Variants in ARHGAP20 observed in about 807,000 individuals in gnomAD.
The protein encoded by ARHGAP20 is Rho GTPase activating protein 20, also known as rho GTPase-activating protein 20.
In ARHGAP20, 34 loss-of-function variants were observed where a neutral mutation model predicts 73.7. That is an observed-to-expected ratio of 0.46 (90% CI 0.35 to 0.61). ARHGAP20 has a LOEUF of 0.61. Among genes scored for constraint, ARHGAP20 ranks in the 20% least tolerant of loss-of-function variants. The pLI, the probability that ARHGAP20 is intolerant of heterozygous loss-of-function variation, is 0.00. For missense variants in ARHGAP20, 1,314 were observed against 1,420.9 expected (o/e 0.92, Z 1.21); for synonymous variants, 523 against 518.2 (o/e 1.01, Z -0.13).
chr11:110,657,967 GAAGA>G (rs1331210785), intron 2 of ARHGAP20, among the ~76,000 whole-genome samples: 13 of 141,734 alleles, frequency 9.2e-5, no homozygotes, highest in African/African-American at 3.1e-4. Flanking sequence ...AGGAAGGAAG[GAAGA>G]AAATGTCTAG....
rs781398765 is a variant in ARHGAP20 at position 110,579,523 on chromosome 11, CTCA to C, written c.3420_3422del (p.His1140_Glu1141delinsGln). On this transcript the variant is annotated inframe_deletion, in exon 15 of 15. Coordinates refer to ENST00000683387, the MANE Select transcript of ARHGAP20 (RefSeq NM_001384657.1). ...AGCTCTGACTACCAGGCTCTATTTC[CTCA>C]TGTGACTTCATGCACAGCTTAAGTC... 7.4e-6 allele frequency: 12 copies of C among 1,614,036 alleles called. No homozygotes were observed. The highest frequency in any genetic ancestry group is 1.0e-5 in the Non-Finnish European group (12 of 1,180,028).
rs1241177970 is a variant in ARHGAP20 at position 110,580,009 on chromosome 11, A to G, written c.2937T>C (p.Phe979=). The change falls in exon 15 of 15, where the codon TTT becomes TTC. Residue 979 remains phenylalanine (F), a synonymous_variant. Transcript: ENST00000683387. The stretch of plus-strand genomic sequence containing the variant: ...GGTCTTCCCGTTTTCTCTGAGCCTG[A>G]AAAGTGCAATCTATTGGAGAGGAAG... ...TETSSPIDCT[F]QAQRKREDLS... The G allele has an allele frequency of 1.2e-6, 2 of 1,614,238 alleles. No individual in the cohort carries two copies. Among genetic ancestry groups the G allele is most frequent in the South Asian group, 2.2e-5 (2 of 91,090 alleles).
intron 2 of ARHGAP20, among the ~76,000 whole-genome samples, chr11:110,669,461 C>A (rs1591160512): frequency 6.6e-6 from 1 of 151,552 alleles, no homozygotes; most frequent in East Asian, 1.9e-4. Flanking sequence ...ACACTTAAAA[C>A]TCAACAGTAA....
intron 1 of ARHGAP20, chr11:110,711,669 C>T: frequency 6.8e-7 from 1 of 1,463,378 alleles, no homozygotes; most frequent in Non-Finnish European, 9.0e-7. Flanking sequence ...TTCTTCAGCG[C>T]CGGCTGCCGC....
At chr11:110,655,868 T>A (rs1190109670) in intron 2 of ARHGAP20, among the ~76,000 whole-genome samples, 1 of 152,166 alleles carries the variant, frequency 6.6e-6, no homozygotes, top group Non-Finnish European at 1.5e-5. Flanking sequence ...CTGAGTATCT[T>A]CCATGGGATG....
At chr11:110,585,194 CATCTTACTA>C (rs1333399265) in intron 12 of ARHGAP20, among the ~76,000 whole-genome samples, 2 of 151,768 alleles carry the variant, frequency 1.3e-5, no homozygotes, top group Admixed American at 6.6e-5. Flanking sequence ...CTGGTTGTAA[CATCTTACTA>C]ATCTTACTAG....
In ARHGAP20 at chr11:110,577,400, T is replaced by A; in HGVS notation, c.*1970A>T. ...AGGGAACACAGATAGTAGGAATGGT[T>A]ATTAAAAAACCTCAGCAACTATTTT... On this transcript the variant is annotated 3_prime_UTR_variant, in exon 15 of 15. Coordinates refer to ENST00000683387, the MANE Select transcript of ARHGAP20 (RefSeq NM_001384657.1). 8.6e-7 allele frequency: 1 copy of A among 1,159,746 alleles called. No homozygotes were observed. The highest frequency in any genetic ancestry group is 1.1e-6 in the Non-Finnish European group (1 of 942,818). 71.8% of individuals were successfully genotyped at this position (1,159,746 alleles called of 1,614,324 possible).
chr11:110,712,213 G>T lies in ARHGAP20; in HGVS notation c.19C>A (p.Gln7Lys). 2 of 1,366,176 alleles carry T rather than the reference G, an allele frequency of 1.5e-6. No individual in the cohort carries two copies. Among genetic ancestry groups the T allele is most frequent in the Non-Finnish European group, 9.5e-7 (1 of 1,051,764 alleles). The allele number at this position is 1,366,176 out of a possible 1,614,324, so 84.6% of individuals were successfully genotyped here. The change falls in exon 1 of 15, where the codon CAG (glutamine) becomes AAG (lysine). Residue 7 changes from glutamine to lysine, a missense_variant. Gln to Lys is a moderately conservative substitution (Grantham distance 53). This residue lies in a region of ARHGAP20 where 443 missense variants were observed against 466.4 expected (regional missense o/e 0.95). Transcript: ENST00000683387. MEAMSP[Q>K]QETLGGQPGR... ...GGCTGTCCCCCTAGAGTCTCCTGCT[G>T]GGGGGACATCGCTTCCATGAAGAAA... is the stretch of plus-strand genomic sequence containing the variant.
chr11:110,699,424 T>A (rs1285576733), intron 1 of ARHGAP20, among the ~76,000 whole-genome samples: 1 of 151,980 alleles, frequency 6.6e-6, no homozygotes, highest in Non-Finnish European at 1.5e-5. Flanking sequence ...GTCCATTTGG[T>A]CTACAGTTCA....
Position 110,578,132 on chromosome 11 carries a change from T to TTAAG in ARHGAP20, c.*1234_*1237dup. On this transcript the variant is annotated 3_prime_UTR_variant, in exon 15 of 15. Transcript: ENST00000683387. ...GTGACGAGATGTACTGCTGCAACCT[T>TTAAG]TAAGTCAAGAAAGCAGAGAAAGAAA... The TTAAG allele has an allele frequency of 1.0e-6, 1 of 985,384 alleles. No individual in the cohort carries two copies. The highest frequency in any genetic ancestry group is 1.2e-6 in the Non-Finnish European group (1 of 829,928). The allele number at this position is 985,384 out of a possible 1,614,324, so 61.0% of individuals were successfully genotyped here. A position where few individuals can be genotyped will look rare whatever the true frequency, so the allele number is the denominator to read the frequency against.
chr11:110,583,711 T>C lies in ARHGAP20; in HGVS notation c.1442A>G (p.Asn481Ser), dbSNP rs1330090215. Residue 481 changes from asparagine (N) to serine (S), a missense_variant, in exon 13 of 15, where the codon AAT becomes AGT. Asn to Ser is a conservative substitution (Grantham distance 46, BLOSUM62 1). Coordinates refer to ENST00000683387, the MANE Select transcript of ARHGAP20 (RefSeq NM_001384657.1). Reference protein sequence around the residue: ...QRLLDQLPRANVVLLRYLFGV... With the variant: ...QRLLDQLPRASVVLLRYLFGV... ...AAAAAGATACCTTAGGAGAACAACA[T>C]TGGCTCTCGGAAGCTGGTCTAATAG... The C allele has an allele frequency of 6.3e-7, 1 of 1,592,288 alleles. No individual in the cohort carries two copies. The highest frequency in any genetic ancestry group is 1.1e-5 in the South Asian group (1 of 88,124).
chr11:110,590,850 A>G (rs1280337328), intron 10 of ARHGAP20, 41 bp from the exon 11 acceptor site: 1 of 1,582,984 alleles, frequency 6.3e-7, no homozygotes, highest in Non-Finnish European at 8.6e-7. Flanking sequence ...TGACACTTCC[A>G]CACACACAAG....
rs1245338469 is a variant in ARHGAP20 at position 110,659,456 on chromosome 11, A to G, written c.189-28664T>C. On this transcript the variant is annotated intron_variant, in intron 2 of 14. Coordinates refer to ENST00000683387, the MANE Select transcript of ARHGAP20 (RefSeq NM_001384657.1). ...TTTGAGTTCATTGTAGATTCTGGAT[A>G]TTAGCCCTTTGTCAGATGAGTAGGT... is the stretch of plus-strand genomic sequence containing the variant. Among the ~76,000 whole-genome samples, 3 of 151,606 alleles carry G rather than the reference A, an allele frequency of 2.0e-5. No homozygotes were observed. In the East Asian group the frequency reaches 5.8e-4, roughly 29 times the overall value.
At chr11:110,636,664 T>C (rs1948974893) in intron 2 of ARHGAP20, among the ~76,000 whole-genome samples, 1 of 152,070 alleles carries the variant, frequency 6.6e-6, no homozygotes, top group Non-Finnish European at 1.5e-5. Flanking sequence ...AAAAAATTCA[T>C]TCCATACACT....
chr11:110,677,071 G>A (rs1159244286), intron 2 of ARHGAP20, among the ~76,000 whole-genome samples: 1 of 152,076 alleles, frequency 6.6e-6, no homozygotes, highest in East Asian at 1.9e-4. Flanking sequence ...AGAATGAAGT[G>A]GACAATTGAG....
chr11:110,608,804 TGAG>T (rs1370540372), intron 8 of ARHGAP20, among the ~76,000 whole-genome samples, 177 bp downstream of exon 8: 1 of 152,176 alleles, frequency 6.6e-6, no homozygotes, highest in Non-Finnish European at 1.5e-5. Flanking sequence ...GCTGCTTGAA[TGAG>T]GAGATATTAT....
At chr11:110,584,560 A>T (rs1044094380) in intron 12 of ARHGAP20, among the ~76,000 whole-genome samples, 8 of 152,104 alleles carry the variant, frequency 5.3e-5, no homozygotes, top group African/African-American at 1.9e-4. Context: ...GTTATGAAGG[A>T]CTTTGAAATA....
At chr11:110,581,952 T>A (rs1428658248) in intron 14 of ARHGAP20, among the ~76,000 whole-genome samples, 1 of 150,500 alleles carries the variant, frequency 6.6e-6, no homozygotes. Context: ...AAAAAAACAT[T>A]CATGCCTCTA....
chr11:110,689,021 T>C (rs1435518537), intron 2 of ARHGAP20, among the ~76,000 whole-genome samples: 1 of 147,128 alleles, frequency 6.8e-6, no homozygotes, highest in Admixed American at 6.8e-5. Flanking sequence ...TTTTTGGAGA[T>C]GGAGTCTCGC....
Sources: gnomAD v4.1 joint callset for allele counts (sites outside exome capture counted in the v4.1 genomes callset) on GRCh38, gnomAD v4.1.1 for gene constraint, gnomAD v4.1.1 regional missense constraint, MANE v1.5 for transcripts, NCBI Gene and HGNC (gene_info 2026-07-23, HGNC 2026-07-21) for gene names.